The following ANKS1B variants were observed in gnomAD, a reference collection of about 807,000 sequenced individuals.
ANKS1B encodes ankyrin repeat and sterile alpha motif domain containing 1B, also known as ankyrin repeat and sterile alpha motif domain-containing protein 1B.
In ANKS1B, 36 loss-of-function variants were observed where a neutral mutation model predicts 148.3. That is an observed-to-expected ratio of 0.24 (90% confidence interval 0.19 to 0.32). ANKS1B has a LOEUF of 0.32. Ranked by LOEUF, ANKS1B falls within the 10% of genes least tolerant of loss-of-function variation. The probability of loss-of-function intolerance (pLI) is 1.00; values close to 1 mark genes in which losing one functional copy is unlikely to be tolerated. For missense variants in ANKS1B, 1,157 were observed against 1,542.6 expected (o/e 0.75, Z 4.19); for synonymous variants, 542 against 560.8 (o/e 0.97, Z 0.47).
chr12:98,803,918 T>C (rs1157246192), intron 20 of ANKS1B, among the ~76,000 whole-genome samples: 3 of 152,216 alleles, frequency 2.0e-5, no homozygotes, highest in Admixed American at 2.0e-4. Context: ...TCCACATAAG[T>C]TGTAGCAGCC....
At chr12:99,193,761 TAAG>T (rs1021814840) in intron 14 of ANKS1B, among the ~76,000 whole-genome samples, 1 of 149,160 alleles carries the variant, frequency 6.7e-6, no homozygotes, top group African/African-American at 2.4e-5. Context: ...GGACCTAGTG[TAAG>T]AAGACAGATT....
intron 9 of ANKS1B, among the ~76,000 whole-genome samples, chr12:99,557,872 A>G (rs2097293842): frequency 6.6e-6 from 1 of 152,046 alleles, no homozygotes; most frequent in Admixed American, 6.6e-5. Context: ...GAAGGTTTGT[A>G]GTATAAGGTG....
At chr12:99,080,788 C>T (rs1308843485) in intron 16 of ANKS1B, among the ~76,000 whole-genome samples, 1 of 152,136 alleles carries the variant, frequency 6.6e-6, no homozygotes, top group Admixed American at 6.6e-5. Context: ...CAGGTAATAT[C>T]CCTGTGTCCA....
intron 14 of ANKS1B, among the ~76,000 whole-genome samples, chr12:99,210,016 A>T (rs2083145307): frequency 6.6e-6 from 1 of 152,120 alleles, no homozygotes; most frequent in South Asian, 2.1e-4. Flanking sequence ...AAAACTAATA[A>T]ATACTCTTAG....
intron 14 of ANKS1B, among the ~76,000 whole-genome samples, chr12:99,214,099 T>C (rs945865511): frequency 1.3e-5 from 2 of 151,142 alleles, no homozygotes; most frequent in Non-Finnish European, 2.9e-5. Flanking sequence ...TTTTTATGTG[T>C]GCCCAAGAAT....
chr12:99,883,613 G>GC (rs768616776), intron 1 of ANKS1B, among the ~76,000 whole-genome samples: 29 of 132,348 alleles, frequency 2.2e-4, no homozygotes, highest in Middle Eastern at 7.6e-3. Context: ...CATAGACTTG[G>GC]GGCAGGGGGG....
chr12:99,179,285 C>T (rs550106001), intron 14 of ANKS1B, among the ~76,000 whole-genome samples: 4 of 151,784 alleles, frequency 2.6e-5, no homozygotes, highest in East Asian at 1.9e-4. Context: ...AAAAATTAGC[C>T]GGGCGTGGTG....
intron 16 of ANKS1B, among the ~76,000 whole-genome samples, chr12:99,070,297 C>A (rs1278799788): frequency 6.6e-6 from 1 of 152,116 alleles, no homozygotes; most frequent in Non-Finnish European, 1.5e-5. Flanking sequence ...TTGATTACCG[C>A]CCCTCCTCAT....
intron 17 of ANKS1B, among the ~76,000 whole-genome samples, chr12:98,872,035 T>C (rs2099671781): frequency 6.6e-6 from 1 of 152,228 alleles, no homozygotes; most frequent in Non-Finnish European, 1.5e-5. Context: ...TAAAACATTG[T>C]AATAGTTTTC....
At chr12:99,665,249 G>A (rs1041306383) in intron 8 of ANKS1B, among the ~76,000 whole-genome samples, 1 of 152,072 alleles carries the variant, frequency 6.6e-6, no homozygotes, top group Non-Finnish European at 1.5e-5. Flanking sequence ...GGAGAGTTTC[G>A]GTAGCTCCAC....
chr12:99,367,539 CAA>C (rs1222063990), intron 12 of ANKS1B, among the ~76,000 whole-genome samples: 4 of 152,002 alleles, frequency 2.6e-5, no homozygotes, highest in African/African-American at 4.8e-5. Flanking sequence ...GAATATTCCC[CAA>C]GAGAGAGAGT....
chr12:99,710,429 G>T (rs186786637), intron 8 of ANKS1B, among the ~76,000 whole-genome samples: 5 of 152,146 alleles, frequency 3.3e-5, no homozygotes, highest in African/African-American at 1.2e-4. Context: ...TATAGTTTAT[G>T]GGATAAAAGA....
intron 12 of ANKS1B, among the ~76,000 whole-genome samples, chr12:99,264,740 G>A (rs1024207847): frequency 1.3e-5 from 2 of 152,026 alleles, no homozygotes; most frequent in Non-Finnish European, 2.9e-5. Context: ...TGTCTCTTTT[G>A]GGGACCTGGG....
At chr12:98,895,810 T>C (rs1389430336) in intron 17 of ANKS1B, among the ~76,000 whole-genome samples, 1 of 152,124 alleles carries the variant, frequency 6.6e-6, no homozygotes, top group African/African-American at 2.4e-5. Context: ...TGTTTGTTTT[T>C]CCCCCCAAAA....
intron 12 of ANKS1B, among the ~76,000 whole-genome samples, chr12:99,331,130 T>A (rs117605368): frequency 0.041 from 6,163 of 152,136 alleles, 176 homozygotes; most frequent in Middle Eastern, 0.12. Flanking sequence ...TATAATCATA[T>A]TCATGTATAT....
At chr12:99,699,278 T>C (rs927226620) in intron 8 of ANKS1B, among the ~76,000 whole-genome samples, 7 of 152,172 alleles carry the variant, frequency 4.6e-5, no homozygotes, top group Admixed American at 3.3e-4. Flanking sequence ...CATTTTTCCA[T>C]GTGTTTTTTC....
intron 8 of ANKS1B, among the ~76,000 whole-genome samples, chr12:99,694,221 G>A (rs536090869): frequency 6.6e-6 from 1 of 151,006 alleles, no homozygotes; most frequent in South Asian, 2.1e-4. Context: ...AGATCACTGT[G>A]TGTGGTCAGG....
chr12:99,414,530 A>AGGGACAT (rs71436955), intron 11 of ANKS1B, among the ~76,000 whole-genome samples: 40,216 of 151,820 alleles, frequency 0.26, 5,461 homozygotes, highest in East Asian at 0.43. Flanking sequence ...TGTCCTTTGC[A>AGGGACAT]GGGACATGGA....
At chr12:99,425,678 C>G (rs1046505259) in intron 11 of ANKS1B, among the ~76,000 whole-genome samples, 1 of 151,778 alleles carries the variant, frequency 6.6e-6, no homozygotes, top group Non-Finnish European at 1.5e-5. Flanking sequence ...ATATTCAGCG[C>G]CATTAATCAT....
Sources: allele counts gnomAD v4.1 joint callset (sites outside exome capture counted in the v4.1 genomes callset), GRCh38; gene constraint gnomAD v4.1.1; transcripts MANE v1.5; gene names NCBI Gene and HGNC (gene_info 2026-07-23, HGNC 2026-07-21).